Variants in TMEM132C observed in about 807,000 individuals in gnomAD.
The protein encoded by TMEM132C is protein phosphatase 1, regulatory subunit 152.
In TMEM132C, 29 loss-of-function variants were observed where a neutral mutation model predicts 61.4. That is an observed-to-expected ratio of 0.47 (90% CI 0.35 to 0.64). The LOEUF (loss-of-function observed/expected upper bound fraction) is 0.64, where lower values mean the gene tolerates loss of function less well. TMEM132C is among the 30% of genes least tolerant of loss of function. The pLI is 0.00. For missense variants in TMEM132C, 1,408 were observed against 1,476.9 expected (o/e 0.95, Z 0.76); for synonymous variants, 656 against 633.1 (o/e 1.04, Z -0.54).
chr12:128,601,094 A>G (rs1327007959), intron 3 of TMEM132C, among the ~76,000 whole-genome samples: 1 of 152,192 alleles, frequency 6.6e-6, no homozygotes, highest in Non-Finnish European at 1.5e-5. Flanking sequence ...TTGAAAATGC[A>G]AAGTTTTAGG....
intron 1 of TMEM132C, among the ~76,000 whole-genome samples, chr12:128,389,429 T>C (rs1285517330): frequency 6.6e-6 from 1 of 152,136 alleles, no homozygotes; most frequent in Admixed American, 6.5e-5. Flanking sequence ...GGAAGTAGGC[T>C]TCTGTCAGAG....
At chr12:128,402,655 G>C (rs1363082448) in intron 1 of TMEM132C, among the ~76,000 whole-genome samples, 1 of 152,170 alleles carries the variant, frequency 6.6e-6, no homozygotes, top group African/African-American at 2.4e-5. Flanking sequence ...CCACATTGTG[G>C]GTGGTCAGCG....
At chr12:128,284,977 A>G (rs1871011489) in intron 1 of TMEM132C, among the ~76,000 whole-genome samples, 1 of 151,972 alleles carries the variant, frequency 6.6e-6, no homozygotes, top group Non-Finnish European at 1.5e-5. Flanking sequence ...CTCTACCCCA[A>G]AAAATAAACA....
chr12:128,598,267 C>G (rs750640937), intron 3 of TMEM132C, among the ~76,000 whole-genome samples: 6 of 151,992 alleles, frequency 3.9e-5, no homozygotes, highest in Non-Finnish European at 8.8e-5. Context: ...AAAATAATAA[C>G]AATAATAATG....
In TMEM132C at chr12:128,692,653, C is replaced by T. The variant is rs977590599; in HGVS notation, c.1450-1176C>T. On this transcript the variant is annotated intron_variant, in intron 5 of 8. Transcript: ENST00000435159. Reference sequence around the variant, plus strand: ...ACAGTTCCTAGGGGACATTTTTTACCGGTCACAGTCCGCCCAGGTTACCTC... The same window carrying T: ...ACAGTTCCTAGGGGACATTTTTTACTGGTCACAGTCCGCCCAGGTTACCTC... Among the ~76,000 whole-genome samples the T allele has an allele frequency of 5.3e-5, 8 of 152,254 alleles. No individual in the cohort carries two copies. In the East Asian group the frequency reaches 5.8e-4, roughly 11 times the overall value.
chr12:128,383,444 A>C (rs1874479160), intron 1 of TMEM132C, among the ~76,000 whole-genome samples: 1 of 152,178 alleles, frequency 6.6e-6, no homozygotes, highest in South Asian at 2.1e-4. Context: ...ACCTGTCCTC[A>C]GGGACGGATG....
In TMEM132C at chr12:128,682,360, G is replaced by A. The variant is rs1236621018; in HGVS notation, c.1450-11469G>A. 6.6e-5 allele frequency among the ~76,000 whole-genome samples: 10 copies of A among 152,328 alleles called. No individual in the cohort carries two copies. The East Asian group carries it at 1.7e-3, about 27-fold the overall frequency. On this transcript the variant is annotated intron_variant, in intron 5 of 8. Coordinates refer to ENST00000435159, the MANE Select transcript of TMEM132C (RefSeq NM_001136103.3). ...CCTCTCCATTTCTAATGTGGCCTGGGTTAGGGGAATAGCCCATGTCAGCCC... is the reference window on the plus strand; with the variant it reads ...CCTCTCCATTTCTAATGTGGCCTGGATTAGGGGAATAGCCCATGTCAGCCC...
chr12:128,331,195 C>T (rs1872657299), intron 1 of TMEM132C, among the ~76,000 whole-genome samples: 1 of 152,062 alleles, frequency 6.6e-6, no homozygotes, highest in Admixed American at 6.5e-5. Flanking sequence ...CATCTCTACC[C>T]CTTTATCATT....
Position 128,276,283 on chromosome 12 carries a change from A to G in TMEM132C, c.85+8796A>G, listed in dbSNP as rs539361153. Among the ~76,000 whole-genome samples the G allele has an allele frequency of 4.5e-4, 68 of 152,334 alleles. No individual in the cohort carries two copies. The South Asian group carries it at 0.014, about 31-fold the overall frequency. On this transcript the variant is annotated intron_variant, in intron 1 of 8. Transcript: ENST00000435159. ...GGAGAAGAAGAATCCACAGTACAATACAATGGAAACCTTACATAGATATTT... is the reference window on the plus strand; with the variant it reads ...GGAGAAGAAGAATCCACAGTACAATGCAATGGAAACCTTACATAGATATTT...
chr12:128,549,452 A>G (rs1874080123), intron 3 of TMEM132C, among the ~76,000 whole-genome samples: 8 of 151,954 alleles, frequency 5.3e-5, no homozygotes, highest in Admixed American at 5.2e-4. Context: ...AATATCCCCT[A>G]TTGCTGAAAT....
chr12:128,323,659 C>G (rs1237478422), intron 1 of TMEM132C, among the ~76,000 whole-genome samples: 2 of 152,284 alleles, frequency 1.3e-5, no homozygotes, highest in Non-Finnish European at 2.9e-5. Context: ...CCAATAAGCA[C>G]GGTAACAGAG....
intron 2 of TMEM132C, among the ~76,000 whole-genome samples, chr12:128,441,301 C>T (rs1869776353): frequency 6.6e-6 from 1 of 152,186 alleles, no homozygotes; most frequent in Admixed American, 6.5e-5. Flanking sequence ...TCACATAGTA[C>T]CCACCTGACT....
chr12:128,294,085 C>T (rs879074866), intron 1 of TMEM132C: 5 of 154,688 alleles, frequency 3.2e-5, no homozygotes, highest in East Asian at 1.9e-4. Context: ...TTCAGTCATT[C>T]ACTTTGGGGA....
chr12:128,529,137 T>G (rs1203421965), intron 2 of TMEM132C, among the ~76,000 whole-genome samples: 1 of 151,468 alleles, frequency 6.6e-6, no homozygotes, highest in African/African-American at 2.4e-5. Flanking sequence ...AAAAATATTT[T>G]ATATTAATAT....
In TMEM132C at chr12:128,396,366, C is replaced by A. The variant is rs567231428; in HGVS notation, c.86-18366C>A. Among the ~76,000 whole-genome samples the A allele has an allele frequency of 1.4e-4, 20 of 139,252 alleles. 1 individual carries two copies. In the South Asian group the frequency reaches 4.5e-3, roughly 32 times the overall value. The allele number at this position is 139,252 out of a possible 152,430, so 91.4% of individuals were successfully genotyped here. On this transcript the variant is annotated intron_variant, in intron 1 of 8. Transcript: ENST00000435159. ...CACATGGTCACAGGGAGGGGAACATCACAGACTGGGGCCTGTCGTGGGGGT... is the reference window on the plus strand; with the variant it reads ...CACATGGTCACAGGGAGGGGAACATAACAGACTGGGGCCTGTCGTGGGGGT...
At chr12:128,665,241 A>G (rs1460535544) in intron 4 of TMEM132C, among the ~76,000 whole-genome samples, 1 of 151,124 alleles carries the variant, frequency 6.6e-6, no homozygotes, top group Non-Finnish European at 1.5e-5. Flanking sequence ...ACAGGCTCGC[A>G]CACACATAGG....
chr12:128,669,646 C>T lies in TMEM132C; in HGVS notation c.1449+86C>T. ...TGCTAGGGACATTTAGACTGAAATA[C>T]ATGACGTTCAACTATACAGAGGCTT... On this transcript the variant is annotated intron_variant, in intron 5 of 8. Coordinates refer to ENST00000435159, the MANE Select transcript of TMEM132C (RefSeq NM_001136103.3). 4 of 1,474,552 alleles carry T rather than the reference C, an allele frequency of 2.7e-6. No individual in the cohort carries two copies. The East Asian group carries it at 7.5e-5, about 27-fold the overall frequency. The allele number at this position is 1,474,552 out of a possible 1,614,324, so 91.3% of individuals were successfully genotyped here.
intron 2 of TMEM132C, among the ~76,000 whole-genome samples, chr12:128,489,070 A>C (rs1450747385): frequency 6.6e-6 from 1 of 152,144 alleles, no homozygotes; most frequent in African/African-American, 2.4e-5. Context: ...ATTAAAGACC[A>C]AGGGTGCAGA....
At chr12:128,635,846 G>A (rs1954099405) in intron 4 of TMEM132C, among the ~76,000 whole-genome samples, 1 of 152,160 alleles carries the variant, frequency 6.6e-6, no homozygotes, top group Admixed American at 6.5e-5. Context: ...CTTTATCTGA[G>A]AGGGAGTTTC....
Sources: allele counts gnomAD v4.1 joint callset (sites outside exome capture counted in the v4.1 genomes callset), GRCh38; gene constraint gnomAD v4.1.1; transcripts MANE v1.5; gene names NCBI Gene and HGNC (gene_info 2026-07-23, HGNC 2026-07-21).